The following DNAJA2 variants were observed in gnomAD, a reference collection of about 807,000 sequenced individuals.
DNAJA2 encodes the protein DnaJ heat shock protein family (Hsp40) member A2, also known as dnaJ homolog subfamily A member 2.
DNAJA2 carries 6 observed loss-of-function variants against 49.3 expected under a neutral mutation model. The observed-to-expected ratio is 0.12, with a 90% confidence interval of 0.07 to 0.24. DNAJA2 has a LOEUF of 0.24. Ranked by LOEUF, DNAJA2 falls within the 10% of genes least tolerant of loss-of-function variation. The pLI is 1.00. For synonymous variants in DNAJA2, 160 were observed against 172.7 expected (o/e 0.93, Z 0.58); for missense variants, 347 against 516.8 (o/e 0.67, Z 3.19).
chr16:46,964,564 A>T, intron 6 of DNAJA2, 47 bp downstream of exon 6: 1 of 1,545,966 alleles, frequency 6.5e-7, no homozygotes, highest in Non-Finnish European at 8.8e-7. Context: ...AGCAAGAAGT[A>T]CTTCTGAATA....
intron 1 of DNAJA2, 52 bp downstream of exon 1, chr16:46,973,443 T>TGGCCGCGCA: frequency 6.6e-7 from 1 of 1,523,982 alleles, no homozygotes; most frequent in Non-Finnish European, 8.8e-7. Context: ...AAGACATCCC[T>TGGCCGCGCA]GGCCGCGCAG....
In DNAJA2 at chr16:46,973,534, C is replaced by G; in HGVS notation, c.39G>C (p.Leu13=). The change falls in exon 1 of 9, where the codon CTG becomes CTC. Residue 13 remains leucine, a synonymous_variant. Transcript: ENST00000317089. ...TCTCGCTGGCGCCGGGCGGGACGCC[C>G]AGGATGTCGTACAGCTTCGTGTCAG... is the stretch of plus-strand genomic sequence containing the variant. ...NVADTKLYDI[L]GVPPGASENE... is the part of the protein sequence containing the mutation. The G allele has an allele frequency of 6.2e-7, 1 of 1,603,064 alleles. No individual in the cohort carries two copies. Among genetic ancestry groups the G allele is most frequent in the Non-Finnish European group, 8.5e-7 (1 of 1,177,830 alleles).
At chr16:46,962,457 T>C (rs907652110) in intron 6 of DNAJA2, among the ~76,000 whole-genome samples, 1 of 152,176 alleles carries the variant, frequency 6.6e-6, no homozygotes. Context: ...CAGACATCAT[T>C]TGACAACGAA....
intron 5 of DNAJA2, 22 bp downstream of exon 5, chr16:46,967,491 A>G: frequency 6.2e-7 from 1 of 1,613,104 alleles, no homozygotes; most frequent in Non-Finnish European, 8.5e-7. Flanking sequence ...ACATAAAAGC[A>G]GAGAAGTACT....
Position 46,959,321 on chromosome 16 carries a change from T to G in DNAJA2, c.873A>C (p.Gly291=), listed in dbSNP as rs568178139. ...GGGGGTATTTCACCACAATCTGACG[T>G]CCATCAAGGTGCTTAAATGTGAACT... ...GFQFTFKHLD[G]RQIVVKYPPG... Residue 291 remains glycine, a synonymous_variant, in exon 7 of 9, where the codon GGA becomes GGC. Transcript: ENST00000317089. 9.3e-6 allele frequency: 15 copies of G among 1,614,054 alleles called. No individual in the cohort carries two copies. The East Asian group carries it at 3.3e-4, about 36-fold the overall frequency.
intron 6 of DNAJA2, among the ~76,000 whole-genome samples, chr16:46,960,340 T>C (rs535518713): frequency 6.6e-6 from 1 of 152,354 alleles, no homozygotes; most frequent in East Asian, 1.9e-4. Flanking sequence ...ATCCAGCATC[T>C]GTAGTCCTAA....
At position 46,967,642 on chromosome 16, in the gene DNAJA2, C is replaced by A. The variant is rs1961991502; in HGVS notation, c.448G>T (p.Gly150Cys). ...TTTTGGACAGCTCCAGACTTTCCGC[C>A]TTGGCTAAAGCAAGCACAAGTTATG... ...NVLCSACSGQGGKSGAVQKCS... is the reference protein window; with the variant it reads ...NVLCSACSGQCGKSGAVQKCS... Residue 150 changes from glycine to cysteine, a missense_variant, in exon 5 of 9, where the codon GGC becomes TGC. By Grantham distance (159) the Gly-to-Cys change is radical (BLOSUM62 -3). Coordinates refer to ENST00000317089, the MANE Select transcript of DNAJA2 (RefSeq NM_005880.4). 6.2e-7 allele frequency: 1 copy of A among 1,614,070 alleles called. No homozygotes were observed. Among genetic ancestry groups the A allele is most frequent in the Non-Finnish European group, 8.5e-7 (1 of 1,180,058 alleles).
intron 6 of DNAJA2, among the ~76,000 whole-genome samples, chr16:46,961,695 T>G (rs1158386205): frequency 1.3e-5 from 2 of 152,152 alleles, no homozygotes; most frequent in Non-Finnish European, 2.9e-5. Flanking sequence ...AGGATGGTTG[T>G]TGCAGCAGAG....
At chr16:46,962,199 C>T (rs1047404627) in intron 6 of DNAJA2, among the ~76,000 whole-genome samples, 1 of 152,212 alleles carries the variant, frequency 6.6e-6, no homozygotes, top group Non-Finnish European at 1.5e-5. Context: ...TCTCATTTGA[C>T]TCTTTAATAT....
At position 46,957,235 on chromosome 16, in the gene DNAJA2, AC is replaced by A; in HGVS notation, c.1048-16del. 1 of 1,565,704 alleles carries A rather than the reference AC, an allele frequency of 6.4e-7. No individual in the cohort carries two copies. The highest frequency in any genetic ancestry group is 8.6e-7 in the Non-Finnish European group (1 of 1,159,940). The stretch of plus-strand genomic sequence containing the variant: ...TCTTCTAGTTCCTTTATTAAAACAA[AC>A]AAAAACCAGGTTGGTTGTAATATTT... On this transcript the variant is annotated splice_polypyrimidine_tract_variant and intron_variant, in intron 8 of 8. Coordinates refer to ENST00000317089, the MANE Select transcript of DNAJA2 (RefSeq NM_005880.4).
Position 46,968,182 on chromosome 16 carries a change from G to A in DNAJA2, c.363-18C>T, listed in dbSNP as rs1370122469. On this transcript the variant is annotated intron_variant, in intron 3 of 8. Coordinates refer to ENST00000317089, the MANE Select transcript of DNAJA2 (RefSeq NM_005880.4). ...AAGATACTCTGGAAAGAAAAGAATC[G>A]GCTTCAATCAAATTTTGCCACATTT... The A allele has an allele frequency of 3.1e-5, 49 of 1,560,564 alleles. No individual in the cohort carries two copies. Among genetic ancestry groups the A allele is most frequent in the South Asian group, 7.2e-5 (6 of 83,070 alleles).
At position 46,973,652 on chromosome 16, in the gene DNAJA2, CGGCACA is replaced by C. The variant is rs1962092806; in HGVS notation, c.-86_-81del. On this transcript the variant is annotated 5_prime_UTR_variant, in exon 1 of 9. Coordinates refer to ENST00000317089, the MANE Select transcript of DNAJA2 (RefSeq NM_005880.4). ...TCGGGCCCACAAGCGGCGTCGGCGGCGGCACAGGCCGAGGGAGACAGCGAGGGGGAA... is the reference window on the plus strand; with the variant it reads ...TCGGGCCCACAAGCGGCGTCGGCGGCGGCCGAGGGAGACAGCGAGGGGGAA... 2.8e-6 allele frequency: 4 copies of C among 1,451,296 alleles called. No individual in the cohort carries two copies. In the South Asian group the frequency reaches 4.8e-5, roughly 17 times the overall value. 89.9% of individuals were successfully genotyped at this position (1,451,296 alleles called of 1,614,324 possible).
At position 46,971,562 on chromosome 16, in the gene DNAJA2, A is replaced by T. The variant is rs1238328042; in HGVS notation, c.149T>A (p.Ile50Lys). 1 of 1,579,910 alleles carries T rather than the reference A, an allele frequency of 6.3e-7. No homozygotes were observed. Among genetic ancestry groups the T allele is most frequent in the Non-Finnish European group, 8.6e-7 (1 of 1,169,496 alleles). ...TGATAGTACTTCATATGCAAAACTT[A>T]TTTCTTTAAACTATAAAGAAAAGGT... ...NPNAGDKFKEISFAYEVLSNP... is the reference protein window; with the variant it reads ...NPNAGDKFKEKSFAYEVLSNP... The change falls in exon 3 of 9, where the codon ATA becomes AAA. Residue 50 changes from isoleucine to lysine, a missense_variant. Coordinates refer to ENST00000317089, the MANE Select transcript of DNAJA2 (RefSeq NM_005880.4).
chr16:46,968,832 A>G (rs1962009205), intron 3 of DNAJA2, among the ~76,000 whole-genome samples: 1 of 152,176 alleles, frequency 6.6e-6, no homozygotes, highest in African/African-American at 2.4e-5. Flanking sequence ...GGATTGCTTG[A>G]GCCCAGAGTT....
At chr16:46,969,022 G>C (rs978059889) in intron 3 of DNAJA2, among the ~76,000 whole-genome samples, 2 of 152,144 alleles carry the variant, frequency 1.3e-5, no homozygotes, top group African/African-American at 4.8e-5. Flanking sequence ...ACTCCAGCCT[G>C]GGGGACAGAG....
chr16:46,971,392 G>GACTTCT lies in DNAJA2; in HGVS notation c.313_318dup (p.Ser106_Arg107dup). On this transcript the variant is annotated inframe_insertion, in exon 3 of 9. Transcript: ENST00000317089. ...TCCTCTCCTCTTCTTCTGCCATTTC[G>GACTTCT]ACTTCTACTCTGATTGCCCATGAAG... is the stretch of plus-strand genomic sequence containing the variant. 6.2e-7 allele frequency: 1 copy of GACTTCT among 1,613,564 alleles called. No individual in the cohort carries two copies. Among genetic ancestry groups the GACTTCT allele is most frequent in the Non-Finnish European group, 8.5e-7 (1 of 1,179,860 alleles).
chr16:46,955,752 T>C lies in DNAJA2; in HGVS notation c.*1277A>G, dbSNP rs1343531148. On this transcript the variant is annotated 3_prime_UTR_variant, in exon 9 of 9. Transcript: ENST00000317089. Reference sequence around the variant, plus strand: ...TGATGTCTCTTTCCTCAAATAAGTGTGTTCTAAAAATACCTACTGAGTGAA... The same window carrying C: ...TGATGTCTCTTTCCTCAAATAAGTGCGTTCTAAAAATACCTACTGAGTGAA... The C allele has an allele frequency of 6.6e-6, 1 of 152,204 alleles. No individual in the cohort carries two copies. The highest frequency in any genetic ancestry group is 1.5e-5 in the Non-Finnish European group (1 of 68,040). The allele number at this position is 152,204 out of a possible 1,614,324, so 9.4% of individuals were successfully genotyped here. A position where few individuals can be genotyped will look rare whatever the true frequency, so the allele number is the denominator to read the frequency against.
chr16:46,959,373 C>G lies in DNAJA2; in HGVS notation c.821G>C (p.Gly274Ala), dbSNP rs1355657311. 2.5e-6 allele frequency: 4 copies of G among 1,613,430 alleles called. No individual in the cohort carries two copies. The African/African-American group carries it at 5.3e-5, about 22-fold the overall frequency. The change falls in exon 7 of 9, where the codon GGA (glycine) becomes GCA (alanine). Residue 274 changes from glycine (G) to alanine (A), a missense_variant. Physicochemically the swap from Gly to Ala is moderately conservative, Grantham distance 60. Transcript: ENST00000317089. ...AAATCCACATAGAGCTTCAACAAGT[C>G]CTATTTTATATGTCATGTGCAAATC... ...GNDLHMTYKIGLVEALCGFQF... is the reference protein window; with the variant it reads ...GNDLHMTYKIALVEALCGFQF...
intron 3 of DNAJA2, among the ~76,000 whole-genome samples, chr16:46,969,484 T>A (rs1270050252): frequency 6.6e-6 from 1 of 152,052 alleles, no homozygotes; most frequent in African/African-American, 2.4e-5. Flanking sequence ...CAGAGAAAAA[T>A]ACACATCTCA....
Sources: allele counts gnomAD v4.1 joint callset (sites outside exome capture counted in the v4.1 genomes callset), GRCh38; gene constraint gnomAD v4.1.1; transcripts MANE v1.5; gene names NCBI Gene and HGNC (gene_info 2026-07-23, HGNC 2026-07-21).